The following BLTP1 variants were observed in gnomAD, a reference collection of about 807,000 sequenced individuals.
BLTP1 encodes fragile site-associated protein.
chr4:122,196,557 A>G, the BLTP1 span: 1 of 1,156,188 alleles, frequency 8.6e-7, no homozygotes, highest in Non-Finnish European at 1.2e-6. Flanking sequence ...AAAAAATTAG[A>G]ATATTGATTA....
chr4:122,323,029 A>G, the BLTP1 span, among the ~76,000 whole-genome samples: 2 of 152,062 alleles, frequency 1.3e-5, no homozygotes, highest in Non-Finnish European at 2.9e-5. Flanking sequence ...CGATCTCACA[A>G]TATTGCAGGG....
chr4:122,196,752 T>A, the BLTP1 span: 1 of 1,607,218 alleles, frequency 6.2e-7, no homozygotes, highest in Non-Finnish European at 8.5e-7. Context: ...TGAATATTAT[T>A]GCAGATGCTA....
chr4:122,333,492 T>C, the BLTP1 span: 1 of 835,830 alleles, frequency 1.2e-6, no homozygotes, highest in Non-Finnish European at 1.7e-6. Context: ...GTTTTTTTCT[T>C]GTAAATTTGT....
the BLTP1 span, among the ~76,000 whole-genome samples, chr4:122,154,698 C>T: frequency 1.3e-5 from 2 of 152,036 alleles, no homozygotes; most frequent in African/African-American, 2.4e-5. Context: ...ATGGTGAAAC[C>T]CCGTGTCTAC....
the BLTP1 span, among the ~76,000 whole-genome samples, chr4:122,299,419 A>T: frequency 3.3e-5 from 5 of 152,188 alleles, no homozygotes; most frequent in African/African-American, 4.8e-5. Context: ...AGGAACAGGG[A>T]TGTGTAAGAG....
the BLTP1 span, chr4:122,194,807 A>C: frequency 1.9e-6 from 1 of 521,534 alleles, no homozygotes; most frequent in Non-Finnish European, 2.5e-6. Context: ...GTGAAGATAG[A>C]AATTTGCTTT....
At chr4:122,242,960 TA>T in the BLTP1 span, 2 of 1,220,382 alleles carry the variant, frequency 1.6e-6, no homozygotes, top group Admixed American at 3.6e-5. Flanking sequence ...ATTAGGGAAA[TA>T]TATTAAAAAT....
chr4:122,347,464 A>ATAGGGATTTTACCCTGTTAC, the BLTP1 span: 1 of 1,553,802 alleles, frequency 6.4e-7, no homozygotes, highest in African/African-American at 1.4e-5. Flanking sequence ...ATTTTATAAC[A>ATAGGGATTTTACCCTGTTAC]TAGGGATTTT....
the BLTP1 span, chr4:122,153,098 T>TTTGACCAATAGGAA: frequency 1.1e-6 from 1 of 925,054 alleles, no homozygotes; most frequent in Non-Finnish European, 1.3e-6. Context: ...CAGAATTTCC[T>TTTGACCAATAGGAA]ATTGGTCAAA....
chr4:122,287,819 T>A, the BLTP1 span: 2 of 521,512 alleles, frequency 3.8e-6, no homozygotes, highest in Non-Finnish European at 4.9e-6. Flanking sequence ...GTCAAAGATT[T>A]AACTGAAAAT....
the BLTP1 span, among the ~76,000 whole-genome samples, chr4:122,265,687 AT>A: frequency 6.6e-5 from 10 of 151,750 alleles, no homozygotes; most frequent in African/African-American, 2.4e-4. Context: ...CCATTTAGAT[AT>A]TTTTTTGTTG....
the BLTP1 span, chr4:122,355,688 C>T: frequency 8.7e-7 from 1 of 1,154,966 alleles, no homozygotes. Flanking sequence ...TGATTCTTTC[C>T]AACTTTGGAA....
the BLTP1 span, chr4:122,224,140 A>G: frequency 4.2e-6 from 4 of 942,072 alleles, no homozygotes; most frequent in African/African-American, 5.3e-5. Context: ...AAAATATTTT[A>G]ATCTCATGAT....
At chr4:122,173,112 A>G in the BLTP1 span, 1 of 1,609,512 alleles carries the variant, frequency 6.2e-7, no homozygotes, top group Admixed American at 1.7e-5. Context: ...TTTTAACACT[A>G]GTTCTTAACA....
chr4:122,216,679 A>G, the BLTP1 span, among the ~76,000 whole-genome samples: 62 of 152,212 alleles, frequency 4.1e-4, no homozygotes, highest in Middle Eastern at 3.4e-3. Context: ...TGTCAGATGC[A>G]TAGTTTGTGA....
At chr4:122,222,963 A>T in the BLTP1 span, 1 of 950,236 alleles carries the variant, frequency 1.1e-6, no homozygotes, top group Non-Finnish European at 1.3e-6. Flanking sequence ...CAAGATCCAC[A>T]TGTAATTTTG....
At chr4:122,199,061 T>G in the BLTP1 span, among the ~76,000 whole-genome samples, 1 of 152,144 alleles carries the variant, frequency 6.6e-6, no homozygotes, top group Non-Finnish European at 1.5e-5. Flanking sequence ...AGAAGAAAAG[T>G]AGTTGTGTTC....
the BLTP1 span, chr4:122,254,732 A>C: frequency 7.2e-7 from 1 of 1,380,978 alleles, no homozygotes; most frequent in South Asian, 1.9e-5. Context: ...CACTAAGTAC[A>C]GTAGGTATGG....
the BLTP1 span, chr4:122,244,504 A>C: frequency 1.9e-5 from 5 of 265,974 alleles, no homozygotes; most frequent in Non-Finnish European, 2.9e-5. Context: ...TATTCAAATT[A>C]ATTATTATAT....
Sources: allele counts gnomAD v4.1 joint callset (sites outside exome capture counted in the v4.1 genomes callset), GRCh38; gene constraint gnomAD v4.1.1; transcripts MANE v1.5; gene names NCBI Gene and HGNC (gene_info 2026-07-23, HGNC 2026-07-21).